Variants in YY1 observed in about 807,000 individuals in gnomAD.
YY1 encodes transcriptional repressor protein YY1.
Under a neutral mutation model 35.6 loss-of-function variants are expected in YY1, and 2 were observed. The ratio of observed to expected loss-of-function variants is 0.06; its 90% CI spans 0.02 to 0.18. YY1 has a LOEUF of 0.18. YY1 is among the 10% of genes least tolerant of loss of function. The pLI is 1.00. For missense variants in YY1, 322 were observed against 573.4 expected (o/e 0.56, Z 4.48); for synonymous variants, 268 against 238.9 (o/e 1.12, Z -1.12).
intron 1 of YY1, among the ~76,000 whole-genome samples, chr14:100,240,663 C>T (rs940722264): frequency 2.0e-5 from 3 of 152,246 alleles, no homozygotes; most frequent in African/African-American, 7.2e-5. Context: ...CGTGTGCGGG[C>T]TCCGAGCGTC....
At position 100,239,712 on chromosome 14, in the gene YY1, C is replaced by T. The variant is rs753598651; in HGVS notation, c.468C>T (p.Ala156=). 6 of 1,599,180 alleles carry T rather than the reference C, an allele frequency of 3.8e-6. No homozygotes were observed. The Admixed American group carries it at 5.0e-5, about 13-fold the overall frequency. The change falls in exon 1 of 5, where the codon GCC becomes GCT. Residue 156 remains alanine (A), a synonymous_variant. Coordinates refer to ENST00000262238, the MANE Select transcript of YY1 (RefSeq NM_003403.5). ...IEQTLVTVAA[A]GKSGGGGSSS... ...AAACGCTGGTCACCGTGGCGGCGGC[C>T]GGCAAGAGCGGCGGCGGCGGCTCGT...
chr14:100,245,630 G>C (rs539970858), intron 1 of YY1, among the ~76,000 whole-genome samples: 1 of 151,362 alleles, frequency 6.6e-6, no homozygotes, highest in East Asian at 1.9e-4. Flanking sequence ...TTTTTGAAAC[G>C]GAGTCTCGCT....
intron 1 of YY1, among the ~76,000 whole-genome samples, chr14:100,246,844 T>C (rs1421771429): frequency 2.0e-5 from 3 of 152,144 alleles, no homozygotes; most frequent in Non-Finnish European, 4.4e-5. Flanking sequence ...CAAAAAGCCC[T>C]CCAAAGTAAT....
intron 1 of YY1, among the ~76,000 whole-genome samples, chr14:100,257,533 G>A (rs1891021628): frequency 6.6e-6 from 1 of 151,918 alleles, no homozygotes; most frequent in African/African-American, 2.4e-5. Flanking sequence ...GGTAATTTAG[G>A]TCTGAGGGTA....
intron 1 of YY1, among the ~76,000 whole-genome samples, chr14:100,240,806 T>C (rs1224863979): frequency 6.6e-6 from 1 of 152,218 alleles, no homozygotes; most frequent in African/African-American, 2.4e-5. Flanking sequence ...CTTTTTTTTT[T>C]TCCCTCAAGT....
At chr14:100,240,760 A>G (rs1595310554) in intron 1 of YY1, among the ~76,000 whole-genome samples, 1 of 151,660 alleles carries the variant, frequency 6.6e-6, no homozygotes, top group Non-Finnish European at 1.5e-5. Flanking sequence ...TGTGAATGTT[A>G]GCGAATAATT....
intron 1 of YY1, among the ~76,000 whole-genome samples, chr14:100,242,188 A>C (rs140464433): frequency 6.6e-6 from 1 of 152,144 alleles, no homozygotes; most frequent in African/African-American, 2.4e-5. Context: ...TCTGCATTTT[A>C]TCTTAACAAA....
intron 2 of YY1, among the ~76,000 whole-genome samples, chr14:100,273,548 A>G (rs553623308): frequency 1.3e-5 from 2 of 151,848 alleles, no homozygotes; most frequent in South Asian, 2.1e-4. Flanking sequence ...TATTTTTTGT[A>G]GAGACAGAGT....
At chr14:100,249,266 T>G (rs2139574051) in intron 1 of YY1, among the ~76,000 whole-genome samples, 1 of 151,660 alleles carries the variant, frequency 6.6e-6, no homozygotes, top group East Asian at 1.9e-4. Flanking sequence ...GATTACAGGC[T>G]TGCACTACTA....
rs143244678 is a variant in YY1, at chr14:100,279,003, A to G, written c.*1403A>G. 1 of 152,238 alleles carries G rather than the reference A, an allele frequency of 6.6e-6. No individual in the cohort carries two copies. Among genetic ancestry groups the G allele is most frequent in the Non-Finnish European group, 1.5e-5 (1 of 68,042 alleles). 9.4% of individuals were successfully genotyped at this position (152,238 alleles called of 1,614,324 possible). ...CTTATTAAATGCTAGCAATGTGGCA[A>G]TTGAGTGCCAGTAGCTTAATTTCAT... is the stretch of plus-strand genomic sequence containing the variant. On this transcript the variant is annotated 3_prime_UTR_variant, in exon 5 of 5. Transcript: ENST00000262238.
chr14:100,282,257 T>G lies in YY1; in HGVS notation c.*4657T>G, dbSNP rs1891447329. 6.6e-6 allele frequency: 1 copy of G among 151,456 alleles called. No homozygotes were observed. The highest frequency in any genetic ancestry group is 1.5e-5 in the Non-Finnish European group (1 of 67,918). 9.4% of individuals were successfully genotyped at this position (151,456 alleles called of 1,614,324 possible). The stretch of plus-strand genomic sequence containing the variant: ...TTGATTTTCCACAAGGTGGCAAGTT[T>G]GATCAAATTGACCGCTTTTCATGAG... On this transcript the variant is annotated 3_prime_UTR_variant, in exon 5 of 5. Transcript: ENST00000262238.
intron 1 of YY1, among the ~76,000 whole-genome samples, chr14:100,246,916 T>G (rs929723508): frequency 6.6e-6 from 1 of 152,198 alleles, no homozygotes. Context: ...CCTGATCTGG[T>G]AGCTCTGAAA....
chr14:100,270,310 T>A (rs1400581019), intron 2 of YY1, among the ~76,000 whole-genome samples: 7 of 135,708 alleles, frequency 5.2e-5, no homozygotes. Context: ...TAGGAATAAC[T>A]CTAGCAAAAT....
intron 2 of YY1, among the ~76,000 whole-genome samples, chr14:100,265,725 C>T (rs1260054564): frequency 6.7e-6 from 1 of 148,738 alleles, no homozygotes; most frequent in Non-Finnish European, 1.5e-5. Context: ...CCTCGGCTCA[C>T]TGCAGCCTCT....
intron 1 of YY1, among the ~76,000 whole-genome samples, chr14:100,248,566 G>T (rs898511796): frequency 6.6e-6 from 1 of 151,652 alleles, no homozygotes; most frequent in African/African-American, 2.4e-5. Context: ...TCACAGGTGT[G>T]ATCATTGTGC....
intron 1 of YY1, among the ~76,000 whole-genome samples, chr14:100,254,940 A>ATTTTTTTTTTTTTTTTTT (rs35165026): frequency 4.4e-4 from 13 of 29,588 alleles, no homozygotes; most frequent in Non-Finnish European, 6.0e-4. Context: ...CGCCCAGCTA[A>ATTTTTTTTTTTTTTTTTT]TTTTTTTTTT....
At chr14:100,269,577 C>T (rs1000368507) in intron 2 of YY1, among the ~76,000 whole-genome samples, 3 of 152,038 alleles carry the variant, frequency 2.0e-5, no homozygotes, top group Non-Finnish European at 4.4e-5. Context: ...ACTGTTTACT[C>T]GCAAAATGAA....
intron 1 of YY1, among the ~76,000 whole-genome samples, chr14:100,258,075 T>A (rs1032865380): frequency 1.6e-4 from 25 of 151,738 alleles, no homozygotes; most frequent in African/African-American, 6.1e-4. Context: ...AAGGCTGCAG[T>A]GAGCCATGAT....
At chr14:100,244,482 C>T (rs546573522) in intron 1 of YY1, among the ~76,000 whole-genome samples, 1 of 151,614 alleles carries the variant, frequency 6.6e-6, no homozygotes, top group Non-Finnish European at 1.5e-5. Context: ...GAAGTTTCGC[C>T]ATGTTGCCCA....
Sources: gnomAD v4.1 joint callset for allele counts (sites outside exome capture counted in the v4.1 genomes callset) on GRCh38, gnomAD v4.1.1 for gene constraint, MANE v1.5 for transcripts, NCBI Gene and HGNC (gene_info 2026-07-23, HGNC 2026-07-21) for gene names.